DNAJC13: variants seen among roughly 807,000 people sequenced by gnomAD.
DNAJC13 encodes DnaJ heat shock protein family (Hsp40) member C13, also known as dnaJ homolog subfamily C member 13.
Under a neutral mutation model 290.5 loss-of-function variants are expected in DNAJC13, and 75 were observed. That is an observed-to-expected ratio of 0.26 (90% CI 0.21 to 0.31). The LOEUF (loss-of-function observed/expected upper bound fraction) is 0.31, where lower values mean the gene tolerates loss of function less well. Among genes scored for constraint, DNAJC13 ranks in the 10% least tolerant of loss-of-function variants. The pLI is 1.00. For missense variants in DNAJC13, 2,260 were observed against 2,674.5 expected, an observed-to-expected ratio of 0.85 and a Z score of 3.42; for synonymous variants, 862 against 892.0, an observed-to-expected ratio of 0.97 and a Z score of 0.60.
At chr3:132,450,564 T>G in intron 5 of DNAJC13, 83 bp from the exon 6 acceptor site, 1 of 1,011,574 alleles carries the variant, frequency 9.9e-7, no homozygotes. Context: ...TTTGGTCGTT[T>G]CAATAGTGAC....
chr3:132,500,478 G>A (rs1168831507), intron 38 of DNAJC13, among the ~76,000 whole-genome samples: 2 of 152,174 alleles, frequency 1.3e-5, no homozygotes, highest in Non-Finnish European at 2.9e-5. Context: ...TACAGTCTCT[G>A]TTACATTTTC....
chr3:132,431,054 T>C (rs1405800257), intron 1 of DNAJC13, among the ~76,000 whole-genome samples: 1 of 152,234 alleles, frequency 6.6e-6, no homozygotes, highest in Non-Finnish European at 1.5e-5. Flanking sequence ...AAAGCATGAA[T>C]TGCTGATGCC....
At chr3:132,514,516 A>G (rs1229859346) in intron 45 of DNAJC13, 55 bp from the exon 46 acceptor site, 9 of 1,351,356 alleles carry the variant, frequency 6.7e-6, no homozygotes, top group Non-Finnish European at 3.1e-6. Context: ...ACCTAATTTG[A>G]TTTAGGTTCA....
chr3:132,484,460 A>G (rs1576491220), intron 28 of DNAJC13, 128 bp from the exon 29 acceptor site: 1 of 757,208 alleles, frequency 1.3e-6, no homozygotes, highest in Non-Finnish European at 2.3e-6. Context: ...TCCCAGCTGT[A>G]TGAGAGCTTA....
At chr3:132,530,861 A>G (rs1405052804) in intron 54 of DNAJC13, 137 bp from the exon 55 acceptor site, 1 of 657,546 alleles carries the variant, frequency 1.5e-6, no homozygotes, top group Non-Finnish European at 2.7e-6. Context: ...GTGTTTGATG[A>G]ATGCTAGTTC....
intron 3 of DNAJC13, 31 bp downstream of exon 3, chr3:132,446,581 T>C: frequency 6.8e-7 from 1 of 1,478,876 alleles, no homozygotes; most frequent in Non-Finnish European, 9.3e-7. Flanking sequence ...TAGGTGTTTG[T>C]ATGAACTCCC....
At chr3:132,456,460 G>A (rs1167314777) in intron 10 of DNAJC13, 41 bp from the exon 11 acceptor site, 1 of 1,608,474 alleles carries the variant, frequency 6.2e-7, no homozygotes, top group Non-Finnish European at 8.5e-7. Flanking sequence ...TAAGAATTAG[G>A]AATTCGTATC....
At position 132,475,058 on chromosome 3, in the gene DNAJC13, G is replaced by C; in HGVS notation, c.2418G>C (p.Val806=). The C allele has an allele frequency of 6.2e-7, 1 of 1,607,902 alleles. No individual in the cohort carries two copies. Among genetic ancestry groups the C allele is most frequent in the Non-Finnish European group, 8.5e-7 (1 of 1,177,128 alleles). ...ACAGAGAACTTGGAAGTGCAAATGT[G>C]ATCTCCTGGAACCACCATGAGTTTG... ...NIDRELGSAN[V]ISWNHHEFEV... Residue 806 remains valine (V), a synonymous_variant, in exon 22 of 56, where the codon GTG becomes GTC. Transcript: ENST00000260818.
chr3:132,522,238 C>T (rs1032554236), intron 48 of DNAJC13, among the ~76,000 whole-genome samples: 6 of 152,272 alleles, frequency 3.9e-5, no homozygotes, highest in South Asian at 2.1e-4. Flanking sequence ...TCCCAACCCT[C>T]ATTTTTCCCT....
intron 55 of DNAJC13, 51 bp downstream of exon 55, chr3:132,531,148 G>T: frequency 6.6e-7 from 1 of 1,511,742 alleles, no homozygotes. Context: ...AAGCCACTTG[G>T]ACCTTCCTTT....
chr3:132,462,948 T>C (rs1157435940), intron 16 of DNAJC13, among the ~76,000 whole-genome samples: 1 of 152,230 alleles, frequency 6.6e-6, no homozygotes, highest in Non-Finnish European at 1.5e-5. Flanking sequence ...TATTTGTAAT[T>C]GAGCTCTAGA....
chr3:132,507,516 C>G (rs1935633827), intron 43 of DNAJC13, among the ~76,000 whole-genome samples, 163 bp downstream of exon 43: 1 of 151,804 alleles, frequency 6.6e-6, no homozygotes, highest in Admixed American at 6.6e-5. Flanking sequence ...CAACCCTGTG[C>G]CAAGCAAGCC....
At chr3:132,474,826 CTT>C (rs796122164) in intron 21 of DNAJC13, 104 bp from the exon 22 acceptor site, 6 of 47,030 alleles carry the variant, frequency 1.3e-4, no homozygotes, top group African/African-American at 4.2e-4. Flanking sequence ...CCCCCCCCCC[CTT>C]TTTTTTTTTT....
intron 39 of DNAJC13, 68 bp from the exon 40 acceptor site, chr3:132,502,221 C>T: frequency 7.4e-7 from 1 of 1,357,268 alleles, no homozygotes; most frequent in Non-Finnish European, 9.7e-7. Flanking sequence ...ACAACCAGTT[C>T]CTCTTGGGAG....
intron 20 of DNAJC13, among the ~76,000 whole-genome samples, chr3:132,470,552 A>G (rs1934169916): frequency 7.4e-6 from 1 of 134,792 alleles, no homozygotes; most frequent in Non-Finnish European, 1.6e-5. Context: ...CTCACTTCCC[A>G]GTAGGGGCGG....
chr3:132,474,921 T>G lies in DNAJC13; in HGVS notation c.2292-11T>G. 1 of 1,547,308 alleles carries G rather than the reference T, an allele frequency of 6.5e-7. No homozygotes were observed. Among genetic ancestry groups the G allele is most frequent in the Non-Finnish European group, 8.7e-7 (1 of 1,143,422 alleles). On this transcript the variant is annotated splice_polypyrimidine_tract_variant and intron_variant, in intron 21 of 55. Transcript: ENST00000260818. ...TGCATCCTGCTATTTCCTCATTATA[T>G]GTATGTCTAGGTTTGGTCAAGACCA...
chr3:132,488,196 A>G lies in DNAJC13; in HGVS notation c.3268-102A>G, dbSNP rs1194467063. ...TGACTCCCATGGGTTTTTATTTTAT[A>G]ATTTACATAAGGAGCTATAACCTCA... On this transcript the variant is annotated intron_variant, in intron 29 of 55. Coordinates refer to ENST00000260818, the MANE Select transcript of DNAJC13 (RefSeq NM_015268.4). 2.7e-5 allele frequency: 28 copies of G among 1,047,536 alleles called. 1 individual carries two copies. The South Asian group carries it at 3.2e-4, about 12-fold the overall frequency. The allele number at this position is 1,047,536 out of a possible 1,614,324, so 64.9% of individuals were successfully genotyped here.
chr3:132,462,593 T>C, intron 16 of DNAJC13, 70 bp downstream of exon 16: 1 of 1,106,098 alleles, frequency 9.0e-7, no homozygotes, highest in Non-Finnish European at 1.3e-6. Flanking sequence ...AAGTTGACAA[T>C]ATTGCCTTTC....
chr3:132,507,226 C>T lies in DNAJC13; in HGVS notation c.4999-11C>T. The T allele has an allele frequency of 6.5e-7, 1 of 1,540,530 alleles. No individual in the cohort carries two copies. Among genetic ancestry groups the T allele is most frequent in the Non-Finnish European group, 9.0e-7 (1 of 1,117,138 alleles). Reference sequence around the variant, plus strand: ...TACATCTAACAGTCTATTTTTTCATCTTTTAAAAAGGGTGATTGTGACAAA... The same window carrying T: ...TACATCTAACAGTCTATTTTTTCATTTTTTAAAAAGGGTGATTGTGACAAA... On this transcript the variant is annotated splice_polypyrimidine_tract_variant and intron_variant, in intron 42 of 55. Coordinates refer to ENST00000260818, the MANE Select transcript of DNAJC13 (RefSeq NM_015268.4).
Sources: allele counts gnomAD v4.1 joint callset (sites outside exome capture counted in the v4.1 genomes callset), GRCh38; gene constraint gnomAD v4.1.1; transcripts MANE v1.5; gene names NCBI Gene and HGNC (gene_info 2026-07-23, HGNC 2026-07-21).